Variants in RAPGEF1 observed in about 807,000 individuals in gnomAD.
The protein encoded by RAPGEF1 is CRK SH3-binding GNRP.
RAPGEF1 carries 33 observed loss-of-function variants against 143.3 expected under a neutral mutation model. That is an observed-to-expected ratio of 0.23 (90% CI 0.17 to 0.31). The LOEUF is 0.31. Ranked by LOEUF, RAPGEF1 falls within the 10% of genes least tolerant of loss-of-function variation. The probability of loss-of-function intolerance (pLI) is 1.00; values close to 1 mark genes in which losing one functional copy is unlikely to be tolerated. For missense variants in RAPGEF1, 1,199 were observed against 1,645.4 expected, an observed-to-expected ratio of 0.73 and a Z score of 4.69; for synonymous variants, 629 against 676.5, an observed-to-expected ratio of 0.93 and a Z score of 1.09.
In RAPGEF1 at chr9:131,583,381, CAAG is replaced by C. The variant is rs1588157194; in HGVS notation, c.3415-682_3415-680del. On this transcript the variant is annotated intron_variant, in intron 24 of 26. Transcript: ENST00000683357. This position sits in a 1 kb window ranked among gnomAD's most constrained non-coding sequence, Gnocchi z 4.7. ...AACCATCCCTGAACATGGGCTTGAA[CAAG>C]AAGACCCTGGGTGGCCTGGCTGACA... Among the ~76,000 whole-genome samples the C allele has an allele frequency of 6.6e-6, 1 of 152,182 alleles. No individual in the cohort carries two copies. The highest frequency in any genetic ancestry group is 2.4e-5 in the African/African-American group (1 of 41,434).
In RAPGEF1 at chr9:131,725,917, C is replaced by T. The variant is rs564341538; in HGVS notation, c.61+13853G>A. ...GGGACTACAGGCGCGTGCCACCATG[C>T]CCAGCTAATTTTTTGTATTTTTTAG... On this transcript the variant is annotated intron_variant, in intron 1 of 26. Coordinates refer to ENST00000683357, the MANE Select transcript of RAPGEF1 (RefSeq NM_001377935.1). Among the ~76,000 whole-genome samples the T allele has an allele frequency of 4.5e-3, 682 of 152,086 alleles. 6 individuals are homozygous for T. Among genetic ancestry groups the T allele is most frequent in the Non-Finnish European group, 8.2e-3 (559 of 67,996 alleles).
chr9:131,657,730 G>A (rs1465848276), intron 1 of RAPGEF1, among the ~76,000 whole-genome samples: 1 of 152,208 alleles, frequency 6.6e-6, no homozygotes, highest in East Asian at 1.9e-4. Flanking sequence ...GGTGCAGCTC[G>A]AGAAGCGGAT....
At position 131,663,110 on chromosome 9, in the gene RAPGEF1, GA is replaced by G. The variant is rs549844330; in HGVS notation, c.62-12162del. ...GCCCGCTTTCCAAAGTTATATTTTG[GA>G]AAAAAAAAAATCAAATCTATTGATG... On this transcript the variant is annotated intron_variant, in intron 1 of 26. Transcript: ENST00000683357. Among the ~76,000 whole-genome samples, 83 of 141,128 alleles carry G rather than the reference GA, an allele frequency of 5.9e-4. No individual in the cohort carries two copies. The South Asian group carries it at 0.011, about 18-fold the overall frequency. The allele number at this position is 141,128 out of a possible 152,430, so 92.6% of individuals were successfully genotyped here.
chr9:131,630,553 T>C (rs183398348), intron 5 of RAPGEF1, among the ~76,000 whole-genome samples: 2 of 152,270 alleles, frequency 1.3e-5, no homozygotes, highest in Admixed American at 6.5e-5. Flanking sequence ...TTCAAATGCG[T>C]AAAGGCACTT....
At chr9:131,737,680 A>T (rs528556027) in intron 1 of RAPGEF1, 12 of 1,175,938 alleles carry the variant, frequency 1.0e-5, no homozygotes, top group Non-Finnish European at 1.4e-5. Flanking sequence ...TTTTAAAAAA[A>T]GAGGCCCAGC....
Position 131,650,221 on chromosome 9 carries a change from G to A in RAPGEF1, c.223C>T (p.Pro75Ser), listed in dbSNP as rs1466833562. The A allele has an allele frequency of 1.2e-6, 2 of 1,613,434 alleles. No individual in the cohort carries two copies. The highest frequency in any genetic ancestry group is 2.2e-5 in the South Asian group (2 of 91,040). ...TCCAAGGGGAGAGGGTAGCCCTCTG[G>A]TAGAAATCTGTCTGTTGCCTCCTGG... The part of the protein sequence containing the change: ...VNKEATDRFL[P>S]EGYPLPLDLE... Residue 75 changes from proline (P) to serine (S), a missense_variant, in exon 3 of 27, where the codon CCA becomes TCA. Physicochemically the swap from Pro to Ser is moderately conservative, Grantham distance 74 (BLOSUM62 -1). Around this residue, in one of 6 missense-constraint regions of RAPGEF1, gnomAD observed 613 missense variants for 710.9 expected, o/e 0.86. Coordinates refer to ENST00000683357, the MANE Select transcript of RAPGEF1 (RefSeq NM_001377935.1). The surrounding 1 kb of genome is among the most constrained non-coding windows in gnomAD (Gnocchi z 4.7).
chr9:131,664,344 C>A (rs921152694), intron 1 of RAPGEF1, among the ~76,000 whole-genome samples: 5 of 152,054 alleles, frequency 3.3e-5, no homozygotes, highest in African/African-American at 7.2e-5. Context: ...GTGCTCATTG[C>A]CACTGGGATG....
At chr9:131,707,835 A>T (rs962334890) in intron 1 of RAPGEF1, among the ~76,000 whole-genome samples, 1 of 152,182 alleles carries the variant, frequency 6.6e-6, no homozygotes, top group Non-Finnish European at 1.5e-5. Context: ...TTCACCCTTA[A>T]ATACTTCAGC....
intron 1 of RAPGEF1, among the ~76,000 whole-genome samples, chr9:131,699,168 G>A (rs1425313580): frequency 2.0e-5 from 3 of 150,544 alleles, no homozygotes; most frequent in African/African-American, 4.9e-5. Context: ...CTCCAAGAAC[G>A]CCCATGCTCC....
chr9:131,679,122 AAACTCAC>A (rs2130905477), intron 1 of RAPGEF1, among the ~76,000 whole-genome samples: 1 of 150,490 alleles, frequency 6.6e-6, no homozygotes, highest in Admixed American at 6.6e-5. Flanking sequence ...AGGGTGCTGG[AAACTCAC>A]ACGAGGAAAT....
chr9:131,629,329 G>A (rs1964215214), intron 6 of RAPGEF1, 75 bp from the exon 7 acceptor site: 7 of 1,442,272 alleles, frequency 4.9e-6, no homozygotes, highest in Non-Finnish European at 6.7e-6. Flanking sequence ...CTGAGAGGGT[G>A]AGGACGTGAC....
At chr9:131,587,662 C>A in intron 22 of RAPGEF1, 74 bp downstream of exon 22, 2 of 1,390,386 alleles carry the variant, frequency 1.4e-6, no homozygotes, top group Non-Finnish European at 2.0e-6. Context: ...AAGCTCCCTG[C>A]AAAGGAAAAC....
chr9:131,716,699 C>T (rs973166819), intron 1 of RAPGEF1, among the ~76,000 whole-genome samples: 5 of 152,190 alleles, frequency 3.3e-5, no homozygotes, highest in South Asian at 2.1e-4. Flanking sequence ...CTTGAGCCTG[C>T]GAGGCAGAGG....
intron 14 of RAPGEF1, 45 bp from the exon 15 acceptor site, chr9:131,602,194 C>A: frequency 1.4e-6 from 2 of 1,421,984 alleles, no homozygotes; most frequent in Middle Eastern, 1.7e-4. Flanking sequence ...GGGCCCTCTG[C>A]GGGGCTGCTC....
chr9:131,665,021 T>C (rs1588893949), intron 1 of RAPGEF1, among the ~76,000 whole-genome samples: 2 of 152,316 alleles, frequency 1.3e-5, no homozygotes, highest in South Asian at 4.1e-4. Context: ...GTGAAGGAGC[T>C]AGGTGAAGGC....
intron 15 of RAPGEF1, 91 bp from the exon 16 acceptor site, chr9:131,598,401 A>G: frequency 9.4e-7 from 1 of 1,060,648 alleles, no homozygotes. Context: ...GCACGGCTCG[A>G]AACCGCTCCC....
rs1953434183 is a variant in RAPGEF1 at position 131,587,864 on chromosome 9, C to G, written c.3139-34G>C. The stretch of plus-strand genomic sequence containing the variant: ...GGAAAGAAGGCAGATGGAGGTGGAG[C>G]CCCGGCTTTCCCCTGATGGGGGTTT... On this transcript the variant is annotated intron_variant, in intron 21 of 26. Coordinates refer to ENST00000683357, the MANE Select transcript of RAPGEF1 (RefSeq NM_001377935.1). The G allele has an allele frequency of 1.9e-6, 3 of 1,604,198 alleles. No individual in the cohort carries two copies. The East Asian group carries it at 6.7e-5, about 36-fold the overall frequency.
chr9:131,713,453 A>G (rs1158870305), intron 1 of RAPGEF1, among the ~76,000 whole-genome samples: 1 of 152,070 alleles, frequency 6.6e-6, no homozygotes, highest in East Asian at 1.9e-4. Context: ...TCTGCTACCC[A>G]TTTCCTCATG....
chr9:131,704,029 C>T (rs754472163), intron 1 of RAPGEF1, among the ~76,000 whole-genome samples: 5 of 152,088 alleles, frequency 3.3e-5, no homozygotes, highest in Non-Finnish European at 5.9e-5. Flanking sequence ...ATGCTAAGGG[C>T]TATAACCCCT....
Sources: allele counts gnomAD v4.1 joint callset (sites outside exome capture counted in the v4.1 genomes callset), GRCh38; gene constraint gnomAD v4.1.1; regional missense constraint gnomAD v4.1.1; non-coding constraint Gnocchi (gnomAD v3.1); transcripts MANE v1.5; gene names NCBI Gene and HGNC (gene_info 2026-07-23, HGNC 2026-07-21).